PHF12: variants seen among roughly 807,000 people sequenced by gnomAD.
PHF12 encodes the protein PHD finger protein 12.
PHF12 carries 6 observed loss-of-function variants against 99.8 expected under a neutral mutation model. That is an observed-to-expected ratio of 0.06 (90% CI 0.03 to 0.12). The LOEUF (loss-of-function observed/expected upper bound fraction) is 0.12. Ranked by LOEUF, PHF12 falls within the 10% of genes least tolerant of loss-of-function variation. The pLI is 1.00. For synonymous variants in PHF12, 480 were observed against 514.9 expected, an observed-to-expected ratio of 0.93 and a Z score of 0.92; for missense variants, 954 against 1,300.1, an observed-to-expected ratio of 0.73 and a Z score of 4.09.
intron 2 of PHF12, chr17:28,944,582 G>T: frequency 1.1e-6 from 1 of 899,484 alleles, no homozygotes; most frequent in Non-Finnish European, 1.3e-6. Context: ...GGAAGGCGGA[G>T]ATTGCAGTGA....
chr17:28,940,342 T>C (rs2040591263), intron 2 of PHF12, among the ~76,000 whole-genome samples: 1 of 152,200 alleles, frequency 6.6e-6, no homozygotes, highest in Non-Finnish European at 1.5e-5. Context: ...TTAGTGAGCA[T>C]TTATGTAGTA....
At chr17:28,913,780 G>A (rs1230423277) in intron 8 of PHF12, 99 bp downstream of exon 8, 9 of 1,477,758 alleles carry the variant, frequency 6.1e-6, no homozygotes, top group Middle Eastern at 2.5e-4. Flanking sequence ...AGGGTGGGTG[G>A]GGACTGGAAT....
chr17:28,913,805 G>C, intron 8 of PHF12, 74 bp downstream of exon 8: 1 of 1,539,962 alleles, frequency 6.5e-7, no homozygotes. Flanking sequence ...ATGACACTGA[G>C]GCTACTTCTG....
At chr17:28,928,532 A>G (rs1213887809) in intron 2 of PHF12, among the ~76,000 whole-genome samples, 10 of 152,074 alleles carry the variant, frequency 6.6e-5, no homozygotes, top group Non-Finnish European at 1.3e-4. Flanking sequence ...TTGTATTTTT[A>G]TAATACAGAG....
At chr17:28,909,092 ATCTTTGAAGATGGT>A (rs1324545879) in intron 11 of PHF12, 13 of 562,690 alleles carry the variant, frequency 2.3e-5, no homozygotes, top group Non-Finnish European at 3.8e-5. Context: ...ACAGAGGACC[ATCTTTGAAGATGGT>A]CAGAGAAGTC....
At chr17:28,924,368 A>G (rs1213060845) in intron 3 of PHF12, 66 bp from the exon 4 acceptor site, 2 of 1,608,166 alleles carry the variant, frequency 1.2e-6, no homozygotes, top group Non-Finnish European at 1.7e-6. Context: ...GGTGCTACAA[A>G]GTCCTGGTAG....
chr17:28,912,420 T>C (rs777950656), intron 9 of PHF12, 62 bp downstream of exon 9: 44 of 1,519,272 alleles, frequency 2.9e-5, no homozygotes, highest in Non-Finnish European at 3.6e-5. Context: ...GCTTTTAGAA[T>C]CTTATTTGCC....
chr17:28,941,774 ATTTTGTAT>A (rs1486188636), intron 2 of PHF12, among the ~76,000 whole-genome samples: 3 of 151,934 alleles, frequency 2.0e-5, no homozygotes, highest in Non-Finnish European at 4.4e-5. Flanking sequence ...CGCCCAGCTA[ATTTTGTAT>A]TTTTAGTAGA....
Position 28,906,896 on chromosome 17 carries a change from G to T in PHF12, c.2640C>A (p.Thr880=). The stretch of plus-strand genomic sequence containing the variant: ...CTTTGGCAACAATACTGCTTGGGGG[G>T]GTTGGCGGGGTCTTCTCCGAGAAGT... ...SCDFSEKTPP[T]PPSSIVAKVQ... is the part of the protein sequence containing the mutation. The change falls in exon 14 of 15, where the codon ACC becomes ACA. Residue 880 remains threonine (T), a synonymous_variant. Coordinates refer to ENST00000332830, the MANE Select transcript of PHF12 (RefSeq NM_001033561.2). This position sits in a 1 kb window ranked among gnomAD's most constrained non-coding sequence, Gnocchi z 4.2. 1 of 1,612,502 alleles carries T rather than the reference G, an allele frequency of 6.2e-7. No homozygotes were observed. The highest frequency in any genetic ancestry group is 8.5e-7 in the Non-Finnish European group (1 of 1,179,246).
chr17:28,938,976 G>A (rs2040562246), intron 2 of PHF12, among the ~76,000 whole-genome samples: 1 of 152,200 alleles, frequency 6.6e-6, no homozygotes, highest in Non-Finnish European at 1.5e-5. Context: ...CACACAAACG[G>A]TGAGCACTCA....
chr17:28,921,463 G>A (rs778417889), intron 5 of PHF12, among the ~76,000 whole-genome samples: 17 of 152,080 alleles, frequency 1.1e-4, no homozygotes, highest in Non-Finnish European at 1.6e-4. Context: ...CACCGTGCTC[G>A]GCCTCAACAC....
At chr17:28,920,631 C>T (rs538154102) in intron 5 of PHF12, among the ~76,000 whole-genome samples, 64 of 151,792 alleles carry the variant, frequency 4.2e-4, no homozygotes, top group African/African-American at 1.3e-3. Context: ...GGCGTGACCT[C>T]AGCTCACTGC....
In PHF12 at chr17:28,906,826, T is replaced by C. The variant is rs935656124; in HGVS notation, c.2680+30A>G. On this transcript the variant is annotated intron_variant, in intron 14 of 14. Transcript: ENST00000332830. The surrounding 1 kb of genome is among the most constrained non-coding windows in gnomAD (Gnocchi z 4.2). The stretch of plus-strand genomic sequence containing the variant: ...AACCACCCTGACTGGGGCCTCAGCT[T>C]TGTGGCCACAGATCTCTGCTCCAAC... 8.9e-6 allele frequency: 14 copies of C among 1,570,030 alleles called. No individual in the cohort carries two copies. The highest frequency in any genetic ancestry group is 1.4e-5 in the African/African-American group (1 of 73,692).
At chr17:28,922,226 CTA>C (rs2040179812) in intron 4 of PHF12, among the ~76,000 whole-genome samples, 1 of 152,164 alleles carries the variant, frequency 6.6e-6, no homozygotes, top group Non-Finnish European at 1.5e-5. Flanking sequence ...TGAGCCAGGA[CTA>C]CAGGTGTGGG....
Position 28,917,458 on chromosome 17 carries a change from A to G in PHF12, c.970-9T>C, listed in dbSNP as rs749036206. The G allele has an allele frequency of 7.5e-6, 12 of 1,594,974 alleles. No homozygotes were observed. The highest frequency in any genetic ancestry group is 9.4e-6 in the Non-Finnish European group (11 of 1,169,280). On this transcript the variant is annotated splice_polypyrimidine_tract_variant and intron_variant, in intron 6 of 14. Coordinates refer to ENST00000332830, the MANE Select transcript of PHF12 (RefSeq NM_001033561.2). ...ATATTCTTCTGGTTCAGCTAGGGAC[A>G]AAGCAGACACAACCTTGTGGTGAGC...
chr17:28,906,737 G>C lies in PHF12; in HGVS notation c.2680+119C>G, dbSNP rs374949437. On this transcript the variant is annotated intron_variant, in intron 14 of 14. Coordinates refer to ENST00000332830, the MANE Select transcript of PHF12 (RefSeq NM_001033561.2). This position sits in a 1 kb window ranked among gnomAD's most constrained non-coding sequence, Gnocchi z 4.2. ...TCTCTGTGGCCTGCCCTGGGCCCAC[G>C]AGGAAGTAGAGCTTGGCCAATAGGA... The C allele has an allele frequency of 1.5e-5, 21 of 1,432,450 alleles. No individual in the cohort carries two copies. Among genetic ancestry groups the C allele is most frequent in the Non-Finnish European group, 1.9e-5 (20 of 1,062,004 alleles). 88.7% of individuals were successfully genotyped at this position (1,432,450 alleles called of 1,614,324 possible).
In PHF12 at chr17:28,906,254, C is replaced by T. The variant is rs760753067; in HGVS notation, c.2944G>A (p.Gly982Arg). 9 of 1,613,414 alleles carry T rather than the reference C, an allele frequency of 5.6e-6. No homozygotes were observed. The highest frequency in any genetic ancestry group is 6.8e-6 in the Non-Finnish European group (8 of 1,179,490). ...AGAGAGAGCTTCTCGGCCAAGACCCCATCCTGCAGCAGGCTGGCATCGCCT... is the reference window on the plus strand; with the variant it reads ...AGAGAGAGCTTCTCGGCCAAGACCCTATCCTGCAGCAGGCTGGCATCGCCT... Reference protein sequence around the residue: ...PKGDASLLQDGVLAEKLSLKP... With the variant: ...PKGDASLLQDRVLAEKLSLKP... The change falls in exon 15 of 15, where the codon GGG becomes AGG. Residue 982 changes from glycine to arginine, a missense_variant. Transcript: ENST00000332830. The surrounding 1 kb of genome is among the most constrained non-coding windows in gnomAD (Gnocchi z 4.2).
intron 2 of PHF12, chr17:28,929,776 G>A (rs1224252606): frequency 6.6e-6 from 1 of 152,092 alleles, no homozygotes; most frequent in Non-Finnish European, 1.5e-5. Flanking sequence ...ATGGCCTGCT[G>A]GGACAGATCT....
At chr17:28,938,557 T>A (rs1182219966) in intron 2 of PHF12, among the ~76,000 whole-genome samples, 1 of 152,176 alleles carries the variant, frequency 6.6e-6, no homozygotes. Flanking sequence ...AAGACCCAGC[T>A]GCTTTTTCCT....
Sources: allele counts gnomAD v4.1 joint callset (sites outside exome capture counted in the v4.1 genomes callset), GRCh38; gene constraint gnomAD v4.1.1; non-coding constraint Gnocchi (gnomAD v3.1); transcripts MANE v1.5; gene names NCBI Gene and HGNC (gene_info 2026-07-23, HGNC 2026-07-21).